The following KIAA1671 variants were observed in gnomAD, a reference collection of about 807,000 sequenced individuals.
KIAA1671 encodes the protein uncharacterized protein KIAA1671.
A neutral mutation model predicts 131.2 loss-of-function variants in KIAA1671; 52 were observed. The ratio of observed to expected loss-of-function variants is 0.40; its 90% CI spans 0.32 to 0.50. The LOEUF (loss-of-function observed/expected upper bound fraction) is 0.50. Among genes scored for constraint, KIAA1671 ranks in the 20% least tolerant of loss-of-function variants. The pLI is 0.73. For missense variants in KIAA1671, 2,360 were observed against 2,364.2 expected (o/e 1.00, Z 0.04); for synonymous variants, 1,003 against 961.6 (o/e 1.04, Z -0.80).
intron 5 of KIAA1671, among the ~76,000 whole-genome samples, chr22:25,042,937 G>T (rs1017957675): frequency 6.6e-6 from 1 of 152,114 alleles, no homozygotes; most frequent in African/African-American, 2.4e-5. Context: ...GGGGTCAAGG[G>T]ACCTGGAGTA....
In KIAA1671 at chr22:25,029,087, A is replaced by G; in HGVS notation, c.1088A>G (p.Glu363Gly). Residue 363 changes from glutamate (E) to glycine (G), a missense_variant, in exon 3 of 13, where the codon GAG (glutamate) becomes GGG (glycine). By Grantham distance (98) the Glu-to-Gly change is moderately conservative. Around this residue, in one of 3 missense-constraint regions of KIAA1671, gnomAD observed 1,185 missense variants for 1,126.2 expected, o/e 1.05. Coordinates refer to ENST00000358431, the MANE Select transcript of KIAA1671 (RefSeq NM_001145206.2). ...AAGGAGAAGATGCTTTCGAAGCCGG[A>G]GATGGGCAGCCCCAGAGCCCTGGTG... Reference protein sequence around the residue: ...ERKEKMLSKPEMGSPRALVGG... With the variant: ...ERKEKMLSKPGMGSPRALVGG... 6.7e-7 allele frequency: 1 copy of G among 1,494,114 alleles called. No individual in the cohort carries two copies. The highest frequency in any genetic ancestry group is 8.9e-7 in the Non-Finnish European group (1 of 1,119,488). 92.6% of individuals were successfully genotyped at this position (1,494,114 alleles called of 1,614,324 possible).
At chr22:25,049,571 C>A (rs1488579484) in intron 6 of KIAA1671, 1 of 538,350 alleles carries the variant, frequency 1.9e-6, no homozygotes, top group Non-Finnish European at 3.2e-6. Context: ...GCTGGGGAAA[C>A]CTTCTTCCTC....
chr22:25,144,148 C>T (rs1932844254), intron 6 of KIAA1671, among the ~76,000 whole-genome samples: 1 of 152,186 alleles, frequency 6.6e-6, no homozygotes, highest in African/African-American at 2.4e-5. Flanking sequence ...CTCTCTCTTT[C>T]TCCTGCCCCT....
At chr22:24,975,571 G>A (rs1922869088) in intron 1 of KIAA1671, among the ~76,000 whole-genome samples, 1 of 152,114 alleles carries the variant, frequency 6.6e-6, no homozygotes, top group Admixed American at 6.6e-5. Context: ...GTGAGCCACT[G>A]CGCCTGGCTG....
chr22:25,125,674 C>T (rs950511115), intron 6 of KIAA1671, among the ~76,000 whole-genome samples: 3 of 152,248 alleles, frequency 2.0e-5, no homozygotes, highest in Admixed American at 1.3e-4. Context: ...GATGCCTGCA[C>T]CATCCTTCCC....
chr22:25,020,426 C>T (rs2123890190), intron 1 of KIAA1671, among the ~76,000 whole-genome samples: 1 of 152,306 alleles, frequency 6.6e-6, no homozygotes, highest in African/African-American at 2.4e-5. Context: ...AATCCATTTT[C>T]CCACACTCAC....
At chr22:25,093,058 T>G (rs1361065774) in intron 6 of KIAA1671, among the ~76,000 whole-genome samples, 1 of 152,178 alleles carries the variant, frequency 6.6e-6, no homozygotes, top group African/African-American at 2.4e-5. Flanking sequence ...TTCCTGGGTT[T>G]AAGTCCAGCC....
At chr22:25,163,330 A>G (rs1475508376) in intron 6 of KIAA1671, among the ~76,000 whole-genome samples, 1 of 73,520 alleles carries the variant, frequency 1.4e-5, no homozygotes, top group Non-Finnish European at 2.6e-5. Context: ...CATTGCCTCA[A>G]ATTTTTTTTT....
chr22:24,965,004 C>A (rs1922219690), intron 1 of KIAA1671, among the ~76,000 whole-genome samples: 1 of 151,472 alleles, frequency 6.6e-6, no homozygotes, highest in Non-Finnish European at 1.5e-5. Flanking sequence ...AGCCTCAGTT[C>A]TTCTGCAGAA....
At chr22:25,068,562 G>A (rs1568938537) in intron 6 of KIAA1671, among the ~76,000 whole-genome samples, 2 of 151,874 alleles carry the variant, frequency 1.3e-5, no homozygotes, top group African/African-American at 4.8e-5. Context: ...TCAGCCTCCC[G>A]AGTAGCTGGG....
chr22:25,155,905 A>T (rs1367661403), intron 6 of KIAA1671, among the ~76,000 whole-genome samples: 9 of 147,286 alleles, frequency 6.1e-5, no homozygotes, highest in Non-Finnish European at 8.9e-5. Context: ...GTGTATGTAT[A>T]TAGTTTTTTT....
At chr22:25,181,476 A>G (rs1175559249) in intron 9 of KIAA1671, among the ~76,000 whole-genome samples, 1 of 151,990 alleles carries the variant, frequency 6.6e-6, no homozygotes, top group Non-Finnish European at 1.5e-5. Flanking sequence ...AAGAAAACCT[A>G]CTCTGCCTGT....
At chr22:25,159,240 G>A (rs556303733) in intron 6 of KIAA1671, among the ~76,000 whole-genome samples, 2 of 152,278 alleles carry the variant, frequency 1.3e-5, no homozygotes, top group South Asian at 4.1e-4. Context: ...TTGTGTTCCT[G>A]TCACTTTGGG....
intron 6 of KIAA1671, among the ~76,000 whole-genome samples, chr22:25,088,280 G>T (rs921529827): frequency 7.9e-5 from 12 of 151,968 alleles, no homozygotes; most frequent in African/African-American, 2.7e-4. Context: ...GCTAATTTTT[G>T]TATTCTTAGT....
chr22:24,991,343 G>A (rs1290818549), intron 1 of KIAA1671, among the ~76,000 whole-genome samples: 1 of 151,862 alleles, frequency 6.6e-6, no homozygotes, highest in African/African-American at 2.4e-5. Flanking sequence ...TTATTTTTAG[G>A]AATGTCCCCT....
chr22:25,145,107 C>A (rs1217703065), intron 6 of KIAA1671, among the ~76,000 whole-genome samples: 3 of 152,214 alleles, frequency 2.0e-5, no homozygotes, highest in Non-Finnish European at 1.5e-5. Flanking sequence ...GTCCCCAGAG[C>A]TACCTGACAG....
intron 6 of KIAA1671, among the ~76,000 whole-genome samples, chr22:25,097,468 C>T (rs909775388): frequency 2.6e-5 from 4 of 152,198 alleles, no homozygotes; most frequent in Non-Finnish European, 4.4e-5. Context: ...AGGCTGGGTG[C>T]AGTGGCTCAC....
chr22:25,131,223 C>T (rs1415512997), intron 6 of KIAA1671, among the ~76,000 whole-genome samples: 1 of 152,170 alleles, frequency 6.6e-6, no homozygotes, highest in African/African-American at 2.4e-5. Context: ...CCCTGGAGAG[C>T]TGAGGCCATG....
intron 6 of KIAA1671, among the ~76,000 whole-genome samples, chr22:25,094,358 C>T (rs537482746): frequency 2.0e-5 from 3 of 152,118 alleles, no homozygotes; most frequent in Admixed American, 2.0e-4. Context: ...TGAATGAATC[C>T]GGGATGGAGA....
Sources: gnomAD v4.1 joint callset for allele counts (sites outside exome capture counted in the v4.1 genomes callset) on GRCh38, gnomAD v4.1.1 for gene constraint, gnomAD v4.1.1 regional missense constraint, MANE v1.5 for transcripts, NCBI Gene and HGNC (gene_info 2026-07-23, HGNC 2026-07-21) for gene names.